VAV1: variants seen among roughly 807,000 people sequenced by gnomAD.
The protein encoded by VAV1 is proto-oncogene vav.
VAV1 carries 33 observed loss-of-function variants against 128.1 expected under a neutral mutation model. The observed-to-expected ratio is 0.26, with a 90% CI of 0.20 to 0.34. The LOEUF (loss-of-function observed/expected upper bound fraction) is 0.34. Among genes scored for constraint, VAV1 ranks in the 10% least tolerant of loss-of-function variants. The pLI is 1.00. For missense variants in VAV1, 715 were observed against 1,093.7 expected (o/e 0.65, Z 4.88); for synonymous variants, 394 against 409.8 (o/e 0.96, Z 0.47).
intron 1 of VAV1, among the ~76,000 whole-genome samples, chr19:6,810,906 G>A (rs1971499607): frequency 6.6e-6 from 1 of 152,086 alleles, no homozygotes. Context: ...GAATGAACCT[G>A]TTTCCCCAGC....
Position 6,833,216 on chromosome 19 carries a change from A to G in VAV1, c.1541A>G (p.Asn514Ser), listed in dbSNP as rs759808290. The change falls in exon 16 of 27, where the codon AAC (asparagine) becomes AGC (serine). Residue 514 changes from asparagine (N) to serine (S), a missense_variant. Around this residue, in one of 3 missense-constraint regions of VAV1, gnomAD observed 407 missense variants for 580.6 expected, o/e 0.70. Transcript: ENST00000602142. Reference sequence around the variant, plus strand: ...ATCTATCCGGAGAATGCCACCGCCAACGGGCATGACTTCCAGATGTTCTCC... The same window carrying G: ...ATCTATCCGGAGAATGCCACCGCCAGCGGGCATGACTTCCAGATGTTCTCC... ...SNIYPENATA[N>S]GHDFQMFSFE... 3.7e-6 allele frequency: 6 copies of G among 1,613,146 alleles called. No individual in the cohort carries two copies. Among genetic ancestry groups the G allele is most frequent in the African/African-American group, 2.7e-5 (2 of 74,722 alleles).
chr19:6,818,890 T>C (rs868040772), intron 1 of VAV1, among the ~76,000 whole-genome samples: 111 of 152,014 alleles, frequency 7.3e-4, no homozygotes, highest in African/African-American at 2.6e-3. Flanking sequence ...CCGAGGCGGG[T>C]GGATCACCTG....
chr19:6,788,094 C>CA (rs1970935710), intron 1 of VAV1, among the ~76,000 whole-genome samples: 2 of 151,632 alleles, frequency 1.3e-5, no homozygotes, highest in East Asian at 3.9e-4. Flanking sequence ...AACAAACAAA[C>CA]AAAAAAACAT....
At chr19:6,800,321 T>TG (rs1971238320) in intron 1 of VAV1, among the ~76,000 whole-genome samples, 1 of 151,708 alleles carries the variant, frequency 6.6e-6, no homozygotes, top group South Asian at 2.1e-4. Context: ...TCTCATTTTT[T>TG]TTTTTTGAGA....
chr19:6,782,365 T>TA (rs1365405668), intron 1 of VAV1, among the ~76,000 whole-genome samples: 4 of 151,424 alleles, frequency 2.6e-5, no homozygotes, highest in African/African-American at 4.9e-5. Flanking sequence ...AAAATAAAAA[T>TA]AAAATAAAAT....
At chr19:6,842,454 C>G (rs1212214339) in intron 21 of VAV1, among the ~76,000 whole-genome samples, 3 of 152,110 alleles carry the variant, frequency 2.0e-5, no homozygotes, top group African/African-American at 7.2e-5. Context: ...TGTATAGACA[C>G]GGCTGTGTTC....
intron 1 of VAV1, among the ~76,000 whole-genome samples, chr19:6,797,410 A>G (rs1162383588): frequency 6.6e-6 from 1 of 151,972 alleles, no homozygotes. Context: ...TATCAAGAGT[A>G]GGAGCAAAAT....
At chr19:6,782,416 T>C (rs896013934) in intron 1 of VAV1, among the ~76,000 whole-genome samples, 1 of 152,112 alleles carries the variant, frequency 6.6e-6, no homozygotes, top group Non-Finnish European at 1.5e-5. Context: ...CAGAGTTGTG[T>C]AAGGATTAAA....
At chr19:6,854,337 T>C (rs1163255808) in intron 26 of VAV1, among the ~76,000 whole-genome samples, 1 of 152,180 alleles carries the variant, frequency 6.6e-6, no homozygotes, top group African/African-American at 2.4e-5. Flanking sequence ...ACAAGCACGG[T>C]ACAAGGATTG....
intron 21 of VAV1, among the ~76,000 whole-genome samples, chr19:6,839,250 C>T (rs1599673135): frequency 1.3e-5 from 2 of 148,968 alleles, no homozygotes; most frequent in Non-Finnish European, 1.5e-5. Flanking sequence ...GATAGGGTCT[C>T]ACTATGTTGT....
rs187344031 is a variant in VAV1 at position 6,802,689 on chromosome 19, G to A, written c.205-18013G>A. Among the ~76,000 whole-genome samples, 81 of 152,272 alleles carry A rather than the reference G, an allele frequency of 5.3e-4. No homozygotes were observed. The Middle Eastern group carries it at 0.014, about 26-fold the overall frequency. On this transcript the variant is annotated intron_variant, in intron 1 of 26. Coordinates refer to ENST00000602142, the MANE Select transcript of VAV1 (RefSeq NM_005428.4). ...CCCTCATTATGCCACTCTCTAAGAG[G>A]CACCAGGAGCAGCTTAGTGTGGTTC...
Position 6,854,039 on chromosome 19 carries a change from A to G in VAV1, c.2425A>G (p.Ile809Val). ...SELSLKEGDI[I>V]KILNKKGQQG... is the part of the protein sequence containing the mutation. ...GCTGTCGCTCAAGGAGGGTGACATC[A>G]TCAAGATCCTTAACAAGAAGGGACA... The change falls in exon 26 of 27, where the codon ATC becomes GTC. Residue 809 changes from isoleucine to valine, a missense_variant. Ile to Val is a conservative substitution (Grantham distance 29). Transcript: ENST00000602142. 3 of 1,613,958 alleles carry G rather than the reference A, an allele frequency of 1.9e-6. No homozygotes were observed. The highest frequency in any genetic ancestry group is 2.5e-6 in the Non-Finnish European group (3 of 1,180,022).
At chr19:6,846,277 T>G (rs1972519636) in intron 22 of VAV1, among the ~76,000 whole-genome samples, 1 of 151,376 alleles carries the variant, frequency 6.6e-6, no homozygotes, top group African/African-American at 2.4e-5. Context: ...CAAGAGATAT[T>G]TACGCTTATA....
chr19:6,850,084 C>T lies in VAV1; in HGVS notation c.2130-586C>T, dbSNP rs113165789. On this transcript the variant is annotated intron_variant, in intron 23 of 26. Transcript: ENST00000602142. The stretch of plus-strand genomic sequence containing the variant: ...TAGAGGAATTCCCTTCTCTCACATG[C>T]TGCTGAGTTTGTAATTTCATTGTTA... Among the ~76,000 whole-genome samples the T allele has an allele frequency of 4.0e-3, 599 of 151,582 alleles. 3 individuals carry two copies. Among genetic ancestry groups the T allele is most frequent in the African/African-American group, 0.013 (542 of 41,276 alleles).
Position 6,777,234 on chromosome 19 carries a change from TATCCATCCATCCATCCATCCATCCATCC to T in VAV1, c.204+4249_204+4276del, listed in dbSNP as rs57771330. ...TCATCCATCCATTTATCTGTTTAAC[TATCCATCCATCCATCCATCCATCCATCC>T]ATCCATCCATCCATCCATCCATCCA... On this transcript the variant is annotated intron_variant, in intron 1 of 26. Coordinates refer to ENST00000602142, the MANE Select transcript of VAV1 (RefSeq NM_005428.4). This position sits in a 1 kb window ranked among gnomAD's most constrained non-coding sequence, Gnocchi z 4.4. Among the ~76,000 whole-genome samples, 4 of 145,426 alleles carry T rather than the reference TATCCATCCATCCATCCATCCATCCATCC, an allele frequency of 2.8e-5. No homozygotes were observed. The highest frequency in any genetic ancestry group is 6.0e-5 in the Non-Finnish European group (4 of 66,520).
intron 1 of VAV1, among the ~76,000 whole-genome samples, chr19:6,788,034 G>A (rs1970933973): frequency 6.6e-6 from 1 of 151,784 alleles, no homozygotes; most frequent in African/African-American, 2.4e-5. Flanking sequence ...CCGAGATCCC[G>A]CCACTGCACT....
chr19:6,775,938 C>T (rs1381360789), intron 1 of VAV1, among the ~76,000 whole-genome samples: 2 of 127,060 alleles, frequency 1.6e-5, no homozygotes, highest in Non-Finnish European at 3.5e-5. Flanking sequence ...CTTCGGAGTC[C>T]TTCTCTTTTT....
At chr19:6,786,734 G>A (rs945975876) in intron 1 of VAV1, among the ~76,000 whole-genome samples, 2 of 152,120 alleles carry the variant, frequency 1.3e-5, no homozygotes, top group African/African-American at 4.8e-5. Flanking sequence ...AGTGAACCAC[G>A]ATTGCACCAC....
intron 1 of VAV1, among the ~76,000 whole-genome samples, chr19:6,779,938 C>T (rs962567978): frequency 2.7e-5 from 4 of 149,018 alleles, no homozygotes; most frequent in African/African-American, 7.3e-5. Flanking sequence ...GGTGAAACCC[C>T]GTCTCTACTA....
Sources: allele counts gnomAD v4.1 joint callset (sites outside exome capture counted in the v4.1 genomes callset), GRCh38; gene constraint gnomAD v4.1.1; regional missense constraint gnomAD v4.1.1; non-coding constraint Gnocchi (gnomAD v3.1); transcripts MANE v1.5; gene names NCBI Gene and HGNC (gene_info 2026-07-23, HGNC 2026-07-21).